Variants in GRIA1 observed in about 807,000 individuals in gnomAD.
The protein encoded by GRIA1 is glutamate receptor 1.
In GRIA1, 31 loss-of-function variants were observed where a neutral mutation model predicts 99.2. The ratio of observed to expected loss-of-function variants is 0.31; its 90% CI spans 0.23 to 0.42. The LOEUF is 0.42. GRIA1 is among the 10% of genes least tolerant of loss of function. The probability of loss-of-function intolerance (pLI) is 1.00; values close to 1 mark genes in which losing one functional copy is unlikely to be tolerated. For missense variants in GRIA1, 782 were observed against 1,157.5 expected (o/e 0.68, Z 4.71); for synonymous variants, 438 against 432.4 (o/e 1.01, Z -0.16).
chr5:153,613,424 C>T (rs1308735840), intron 2 of GRIA1, among the ~76,000 whole-genome samples: 4 of 151,592 alleles, frequency 2.6e-5, no homozygotes, highest in African/African-American at 9.7e-5. Flanking sequence ...TATACAAATA[C>T]TTGCATAAGT....
chr5:153,734,321 A>T (rs1761240218), intron 11 of GRIA1, among the ~76,000 whole-genome samples: 1 of 151,890 alleles, frequency 6.6e-6, no homozygotes, highest in South Asian at 2.1e-4. Flanking sequence ...GGACCCCCCT[A>T]AGAGCAGAGA....
intron 2 of GRIA1, among the ~76,000 whole-genome samples, chr5:153,607,069 A>ATATATAT (rs1581317931): frequency 3.8e-5 from 5 of 130,180 alleles, no homozygotes; most frequent in African/African-American, 5.3e-5. Flanking sequence ...ATATATATAT[A>ATATATAT]ATCACAGTTT....
chr5:153,668,648 A>T (rs992981792), intron 5 of GRIA1, among the ~76,000 whole-genome samples: 11 of 152,234 alleles, frequency 7.2e-5, no homozygotes, highest in Non-Finnish European at 1.6e-4. Flanking sequence ...GGCCCTTTAC[A>T]TAAAAAGTTT....
intron 11 of GRIA1, among the ~76,000 whole-genome samples, chr5:153,742,488 G>A (rs1031534415): frequency 1.3e-5 from 2 of 152,168 alleles, no homozygotes; most frequent in African/African-American, 2.4e-5. Flanking sequence ...GTCCAGTATG[G>A]GCTTTGCAGG....
chr5:153,779,882 T>C (rs1285995906), intron 13 of GRIA1, among the ~76,000 whole-genome samples: 2 of 152,154 alleles, frequency 1.3e-5, no homozygotes, highest in African/African-American at 4.8e-5. Flanking sequence ...TTATAATGCC[T>C]GGTTGAGAAG....
rs1256286948 is a variant in GRIA1, at chr5:153,698,911, G to A, written c.1290G>A (p.Glu430=). 6.2e-7 allele frequency: 1 copy of A among 1,613,710 alleles called. No homozygotes were observed. Among genetic ancestry groups the A allele is most frequent in the Non-Finnish European group, 8.5e-7 (1 of 1,179,752 alleles). The change falls in exon 10 of 16, where the codon GAG becomes GAA. Residue 430 remains glutamate (E), a synonymous_variant. Transcript: ENST00000285900. ...TCAAGAAGAACGCCAATCAGTTTGA[G>A]GGCAATGACCGTTACGAGGGCTACT... ...VMLKKNANQF[E]GNDRYEGYCV... is the part of the protein sequence containing the mutation.
At chr5:153,727,643 C>G (rs1465495116) in intron 11 of GRIA1, among the ~76,000 whole-genome samples, 1 of 152,076 alleles carries the variant, frequency 6.6e-6, no homozygotes, top group Non-Finnish European at 1.5e-5. Context: ...ACAATTGCTT[C>G]AAAGAGAATA....
At chr5:153,794,851 T>A (rs1254481572) in intron 14 of GRIA1, 116 bp downstream of exon 14, 10 of 656,904 alleles carry the variant, frequency 1.5e-5, no homozygotes, top group African/African-American at 3.7e-5. Context: ...AAAAGATAAA[T>A]TAATGTCAAA....
chr5:153,724,002 G>C (rs975331534), intron 11 of GRIA1, among the ~76,000 whole-genome samples: 28 of 152,298 alleles, frequency 1.8e-4, no homozygotes, highest in Admixed American at 1.5e-3. Flanking sequence ...CCCCCAGTAG[G>C]GGCAGGCTGA....
intron 2 of GRIA1, among the ~76,000 whole-genome samples, chr5:153,530,685 C>A (rs1241140631): frequency 1.3e-5 from 2 of 152,208 alleles, no homozygotes; most frequent in African/African-American, 2.4e-5. Flanking sequence ...TGCATTCAGA[C>A]AGGCATGCTT....
intron 14 of GRIA1, 58 bp downstream of exon 14, chr5:153,794,793 C>T (rs1581668978): frequency 2.0e-6 from 2 of 988,918 alleles, no homozygotes; most frequent in East Asian, 4.8e-5. Context: ...TGGCTGGTAA[C>T]CAGCAACTGT....
chr5:153,678,615 A>T (rs1454694545), intron 7 of GRIA1, among the ~76,000 whole-genome samples: 1 of 152,188 alleles, frequency 6.6e-6, no homozygotes, highest in East Asian at 1.9e-4. Context: ...CAGACTCCAC[A>T]GTCGAGACAG....
At chr5:153,528,023 A>G (rs1049009131) in intron 2 of GRIA1, among the ~76,000 whole-genome samples, 16 of 152,210 alleles carry the variant, frequency 1.1e-4, no homozygotes, top group African/African-American at 3.9e-4. Context: ...CTTTATGAGT[A>G]CAGTTCATTT....
chr5:153,500,570 TTCTC>T lies in GRIA1; in HGVS notation c.220+6530_220+6533del, dbSNP rs3064315. 1.2e-3 allele frequency among the ~76,000 whole-genome samples: 152 copies of T among 128,844 alleles called. 1 individual carries two copies. Among genetic ancestry groups the T allele is most frequent in the African/African-American group, 1.7e-3 (57 of 34,030 alleles). 84.5% of individuals were successfully genotyped at this position (128,844 alleles called of 152,430 possible). A position where few individuals can be genotyped will look rare whatever the true frequency, so the allele number is the denominator to read the frequency against. ...AGGCATAAACCAAATCTGCCTCTCTTTCTCTCTCTCTCTCTCTCTCTCTCTCTCC... is the reference window on the plus strand; with the variant it reads ...AGGCATAAACCAAATCTGCCTCTCTTTCTCTCTCTCTCTCTCTCTCTCTCC... On this transcript the variant is annotated intron_variant, in intron 2 of 15. Transcript: ENST00000285900.
Position 153,542,737 on chromosome 5 carries a change from G to A in GRIA1, c.220+48672G>A, listed in dbSNP as rs527669498. On this transcript the variant is annotated intron_variant, in intron 2 of 15. Transcript: ENST00000285900. ...TTCATTTTCTATGATTCATCTCATG[G>A]TACCTCCTCCTAGAAGATTTCCTTA... 9.2e-5 allele frequency among the ~76,000 whole-genome samples: 14 copies of A among 152,248 alleles called. No individual in the cohort carries two copies. In the South Asian group the frequency reaches 1.9e-3, roughly 20 times the overall value.
intron 11 of GRIA1, among the ~76,000 whole-genome samples, chr5:153,762,317 T>G (rs1039695258): frequency 1.3e-5 from 2 of 151,930 alleles, no homozygotes; most frequent in African/African-American, 4.8e-5. Context: ...GAAAACAAAA[T>G]AAAATTTTAA....
At chr5:153,641,491 C>T (rs1753775800) in intron 2 of GRIA1, among the ~76,000 whole-genome samples, 1 of 152,130 alleles carries the variant, frequency 6.6e-6, no homozygotes. Flanking sequence ...CTCACTGGTT[C>T]CTGCCCTCCT....
chr5:153,726,773 C>T (rs1383447384), intron 11 of GRIA1, among the ~76,000 whole-genome samples: 1 of 152,102 alleles, frequency 6.6e-6, no homozygotes, highest in Non-Finnish European at 1.5e-5. Context: ...AAGTCCAGGA[C>T]CAGATGGATT....
intron 2 of GRIA1, among the ~76,000 whole-genome samples, chr5:153,535,670 A>G (rs948963578): frequency 1.3e-5 from 2 of 152,244 alleles, no homozygotes; most frequent in Admixed American, 6.5e-5. Context: ...AATAGTGTCT[A>G]TGAATGGCAG....
Sources: allele counts gnomAD v4.1 joint callset (sites outside exome capture counted in the v4.1 genomes callset), GRCh38; gene constraint gnomAD v4.1.1; transcripts MANE v1.5; gene names NCBI Gene and HGNC (gene_info 2026-07-23, HGNC 2026-07-21).